ANK3: variants seen among roughly 807,000 people sequenced by gnomAD.
ANK3 encodes the protein ankyrin 3, also known as ankyrin-3.
ANK3 carries 57 observed loss-of-function variants against 370.9 expected under a neutral mutation model. The observed-to-expected ratio is 0.15, with a 90% CI of 0.12 to 0.19. The LOEUF is 0.19. Among genes scored for constraint, ANK3 ranks in the 10% least tolerant of loss-of-function variants. The probability of loss-of-function intolerance (pLI) is 1.00; values close to 1 mark genes in which losing one functional copy is unlikely to be tolerated. For missense variants in ANK3, 4,439 were observed against 5,302.1 expected (o/e 0.84, Z 5.06); for synonymous variants, 1,929 against 1,946.3 (o/e 0.99, Z 0.23).
intron 2 of ANK3, among the ~76,000 whole-genome samples, chr10:60,431,202 G>A (rs151041999): frequency 8.3e-4 from 126 of 152,316 alleles, no homozygotes; most frequent in African/African-American, 2.9e-3. Flanking sequence ...CCCATCTGGG[G>A]GTGATGGTGA....
At chr10:60,581,418 C>CTTTTTTTTTTTTTTTTTTT (rs56317709) in intron 2 of ANK3, among the ~76,000 whole-genome samples, 1 of 123,486 alleles carries the variant, frequency 8.1e-6, no homozygotes, top group Admixed American at 8.6e-5. Flanking sequence ...GTATTTTGCC[C>CTTTTTTTTTTTTTTTTTTT]TTTTTTTTTT....
intron 1 of ANK3, among the ~76,000 whole-genome samples, chr10:60,307,305 T>C (rs537846305): frequency 6.6e-6 from 1 of 152,204 alleles, no homozygotes; most frequent in African/African-American, 2.4e-5. Flanking sequence ...AGTTTGGCAG[T>C]CGTGGCCTCA....
chr10:60,503,584 C>T (rs900221803), intron 2 of ANK3, among the ~76,000 whole-genome samples: 1 of 152,152 alleles, frequency 6.6e-6, no homozygotes, highest in Non-Finnish European at 1.5e-5. Context: ...TGCCTGGAAC[C>T]CAGGACTGAA....
At chr10:60,706,978 CAT>C (rs2079629043) in intron 1 of ANK3, among the ~76,000 whole-genome samples, 1 of 152,010 alleles carries the variant, frequency 6.6e-6, no homozygotes, top group South Asian at 2.1e-4. Flanking sequence ...TATTTGTGTT[CAT>C]ATATACATGC....
chr10:60,068,887 T>A lies in ANK3; in HGVS notation c.11994A>T (p.Glu3998Asp). 6.2e-7 allele frequency: 1 copy of A among 1,614,174 alleles called. No homozygotes were observed. Among genetic ancestry groups the A allele is most frequent in the Non-Finnish European group, 8.5e-7 (1 of 1,180,024 alleles). ...TCTCACCACTAATTCCCTTAAAATA[T>A]TCAATGGAATGTTTACATACTTCCT... ...QLKEVCKHSIEYFKGISGETL... is the reference protein window; with the variant it reads ...QLKEVCKHSIDYFKGISGETL... The change falls in exon 37 of 44, where the codon GAA becomes GAT. Residue 3998 changes from glutamate (E) to aspartate (D), a missense_variant. Glu to Asp is a conservative substitution (Grantham distance 45, BLOSUM62 2). Around this residue, in one of 13 missense-constraint regions of ANK3, gnomAD observed 496 missense variants for 529.3 expected, o/e 0.94. Coordinates refer to ENST00000280772, the MANE Select transcript of ANK3 (RefSeq NM_020987.5).
In ANK3 at chr10:60,082,606, A is replaced by T. The variant is rs1464409503; in HGVS notation, c.4323+9T>A. On this transcript the variant is annotated intron_variant, in intron 34 of 43. Coordinates refer to ENST00000280772, the MANE Select transcript of ANK3 (RefSeq NM_020987.5). ...GGGAAAGACAATTTAAAGCAGTATTAAAAGATACCTTTTTATGTGCTGGCA... is the reference window on the plus strand; with the variant it reads ...GGGAAAGACAATTTAAAGCAGTATTTAAAGATACCTTTTTATGTGCTGGCA... 4 of 1,613,208 alleles carry T rather than the reference A, an allele frequency of 2.5e-6. No homozygotes were observed. The highest frequency in any genetic ancestry group is 2.2e-5 in the South Asian group (2 of 90,896).
rs780981415 is a variant in ANK3 at position 60,074,392 on chromosome 10, T to G, written c.6489A>C (p.Thr2163=). The change falls in exon 37 of 44, where the codon ACA becomes ACC. Residue 2163 remains threonine, a synonymous_variant. Coordinates refer to ENST00000280772, the MANE Select transcript of ANK3 (RefSeq NM_020987.5). ...CATGAACCACTTCAGTTCTTGTTTC[T>G]GTAATGACAGGAGGGATGGGAACTT... ...FHEVPIPPVI[T]ETRTEVVHVI... The G allele has an allele frequency of 6.2e-6, 10 of 1,613,988 alleles. No individual in the cohort carries two copies. In the South Asian group the frequency reaches 9.9e-5, roughly 16 times the overall value.
chr10:60,487,936 A>G (rs1454872790), intron 2 of ANK3, among the ~76,000 whole-genome samples: 1 of 151,900 alleles, frequency 6.6e-6, no homozygotes, highest in Non-Finnish European at 1.5e-5. Flanking sequence ...CTAGTCTCGA[A>G]CTCCCTACCT....
intron 2 of ANK3, among the ~76,000 whole-genome samples, chr10:60,492,721 A>G (rs867111366): frequency 3.2e-4 from 45 of 141,962 alleles, no homozygotes; most frequent in East Asian, 1.4e-3. Context: ...AAAAAAAAAA[A>G]AAAGAAAGAA....
intron 1 of ANK3, among the ~76,000 whole-genome samples, chr10:60,314,702 T>C (rs2132862335): frequency 6.6e-6 from 1 of 152,240 alleles, no homozygotes; most frequent in African/African-American, 2.4e-5. Flanking sequence ...TGAGTGAAGG[T>C]ACAAACTCCA....
At chr10:60,593,396 C>T (rs537192225) in intron 2 of ANK3, among the ~76,000 whole-genome samples, 3 of 152,252 alleles carry the variant, frequency 2.0e-5, no homozygotes, top group Admixed American at 1.3e-4. Context: ...CCCAGGATAT[C>T]GTGCCTTGAT....
At chr10:60,097,083 T>G (rs1245670676) in intron 28 of ANK3, among the ~76,000 whole-genome samples, 5 of 152,206 alleles carry the variant, frequency 3.3e-5, no homozygotes, top group African/African-American at 1.2e-4. Context: ...AACTTTACAC[T>G]TACTGAAGGT....
intron 1 of ANK3, among the ~76,000 whole-genome samples, chr10:60,678,555 C>T (rs887889152): frequency 6.6e-6 from 1 of 151,976 alleles, no homozygotes; most frequent in African/African-American, 2.4e-5. Flanking sequence ...TTATAAAATG[C>T]TTCAAAAATT....
rs759164511 is a variant in ANK3, at chr10:60,073,696, T to G, written c.7185A>C (p.Glu2395Asp). 3 of 1,614,044 alleles carry G rather than the reference T, an allele frequency of 1.9e-6. No individual in the cohort carries two copies. The highest frequency in any genetic ancestry group is 2.5e-6 in the Non-Finnish European group (3 of 1,180,002). The change falls in exon 37 of 44, where the codon GAA (glutamate) becomes GAC (aspartate). Residue 2395 changes from glutamate to aspartate, a missense_variant. Around this residue, in one of 13 missense-constraint regions of ANK3, gnomAD observed 1,601 missense variants for 1,731.7 expected, o/e 0.92. Transcript: ENST00000280772. ...GCAATGACTCTTCAGCAGTAAGTTC[T>G]TCTTCTTCTTGCTGACCCTGTTCCT... is the stretch of plus-strand genomic sequence containing the variant. The part of the protein sequence containing the change: ...CSEEQGQQEE[E>D]ELTAEESLPS...
intron 2 of ANK3, among the ~76,000 whole-genome samples, chr10:60,497,378 G>A (rs1486096419): frequency 6.6e-6 from 1 of 152,192 alleles, no homozygotes; most frequent in East Asian, 1.9e-4. Context: ...AATTGTAGTT[G>A]TTCTGGTACC....
rs762141783 is a variant in ANK3, at chr10:60,082,720, T to A, written c.4218A>T (p.Gln1406His). The change falls in exon 34 of 44, where the codon CAA (glutamine) becomes CAT (histidine). Residue 1406 changes from glutamine to histidine, a missense_variant. Physicochemically the swap from Gln to His is conservative, Grantham distance 24. Coordinates refer to ENST00000280772, the MANE Select transcript of ANK3 (RefSeq NM_020987.5). The stretch of plus-strand genomic sequence containing the variant: ...GAAAAGACAGACGACCACAGGGCTC[T>A]TGGCTGGTGTCTCTAATCTAGAAGA... The part of the protein sequence containing the change: ...PFSIKIRDTS[Q>H]EPCGRLSFLK... 3.7e-6 allele frequency: 6 copies of A among 1,613,712 alleles called. No individual in the cohort carries two copies. In the East Asian group the frequency reaches 1.3e-4, roughly 36 times the overall value.
chr10:60,707,364 G>T (rs1185438909), intron 1 of ANK3, among the ~76,000 whole-genome samples: 1 of 152,040 alleles, frequency 6.6e-6, no homozygotes, highest in African/African-American at 2.4e-5. Context: ...TAAGAGATTG[G>T]CTACCTTGCT....
chr10:60,225,480 AATAG>A lies in ANK3; in HGVS notation c.897+9204_897+9207del, dbSNP rs558588691. ...GGTCACATGGCAAGTACATAGAGTA[AATAG>A]ATAGAATTAGAATTTACATTCAGGA... is the stretch of plus-strand genomic sequence containing the variant. On this transcript the variant is annotated intron_variant, in intron 8 of 43. Coordinates refer to ENST00000280772, the MANE Select transcript of ANK3 (RefSeq NM_020987.5). Among the ~76,000 whole-genome samples, 65 of 152,302 alleles carry A rather than the reference AATAG, an allele frequency of 4.3e-4. 3 individuals are homozygous for A. The Middle Eastern group carries it at 0.02, about 48-fold the overall frequency.
chr10:60,653,404 A>T (rs2078818842), intron 1 of ANK3, among the ~76,000 whole-genome samples: 2 of 151,952 alleles, frequency 1.3e-5, no homozygotes, highest in South Asian at 2.1e-4. Flanking sequence ...GTATTTTTTT[A>T]AAAGACTTTT....
Sources: gnomAD v4.1 joint callset for allele counts (sites outside exome capture counted in the v4.1 genomes callset) on GRCh38, gnomAD v4.1.1 for gene constraint, gnomAD v4.1.1 regional missense constraint, MANE v1.5 for transcripts, NCBI Gene and HGNC (gene_info 2026-07-23, HGNC 2026-07-21) for gene names.